EP300: variants seen among roughly 807,000 people sequenced by gnomAD.
The protein encoded by EP300 is EP300 lysine acetyltransferase, also known as histone acetyltransferase p300.
In EP300, 31 loss-of-function variants were observed where a neutral mutation model predicts 264.0. The ratio of observed to expected loss-of-function variants is 0.12; its 90% CI spans 0.09 to 0.16. EP300 has a LOEUF of 0.16. Among genes scored for constraint, EP300 ranks in the 10% least tolerant of loss-of-function variants. The pLI is 1.00. For missense variants in EP300, 2,766 were observed against 3,052.9 expected (o/e 0.91, Z 2.21); for synonymous variants, 1,340 against 1,045.4 (o/e 1.28, Z -5.44).
intron 1 of EP300, among the ~76,000 whole-genome samples, chr22:41,102,921 C>G (rs1205175909): frequency 6.6e-6 from 1 of 152,102 alleles, no homozygotes; most frequent in East Asian, 1.9e-4. Flanking sequence ...GTGATCTCAG[C>G]TCACTGCAAC....
Position 41,168,841 on chromosome 22 carries a change from C to G in EP300, c.4146C>G (p.Gly1382=), listed in dbSNP as rs2145763862. The change falls in exon 25 of 31, where the codon GGC becomes GGG. Residue 1382 remains glycine (G), a synonymous_variant. Transcript: ENST00000263253. ...CFFGMHVQEY[G]SDCPPPNQRR... is the part of the protein sequence containing the mutation. Reference sequence around the variant, plus strand: ...TTGGCATGCATGTTCAAGAGTATGGCTCTGACTGCCCTCCACCCAACCAGA... The same window carrying G: ...TTGGCATGCATGTTCAAGAGTATGGGTCTGACTGCCCTCCACCCAACCAGA... 1 of 1,614,198 alleles carries G rather than the reference C, an allele frequency of 6.2e-7. No homozygotes were observed. Among genetic ancestry groups the G allele is most frequent in the Non-Finnish European group, 8.5e-7 (1 of 1,180,042 alleles).
At chr22:41,129,070 G>A (rs932897599) in intron 4 of EP300, among the ~76,000 whole-genome samples, 3 of 152,014 alleles carry the variant, frequency 2.0e-5, no homozygotes, top group Non-Finnish European at 4.4e-5. Flanking sequence ...GAGTGCAGTG[G>A]TGTGATCTCA....
At chr22:41,139,575 C>T (rs1278469901) in intron 8 of EP300, among the ~76,000 whole-genome samples, 1 of 152,148 alleles carries the variant, frequency 6.6e-6, no homozygotes, top group African/African-American at 2.4e-5. Context: ...CTAAAGATCA[C>T]ATTTGTCAGT....
intron 11 of EP300, among the ~76,000 whole-genome samples, chr22:41,147,326 T>G (rs905181286): frequency 2.7e-5 from 4 of 149,986 alleles, no homozygotes; most frequent in Non-Finnish European, 4.4e-5. Context: ...AAAAGCAGAT[T>G]GTAAAATTTG....
chr22:41,168,695 GT>G lies in EP300; in HGVS notation c.4026-24del, dbSNP rs770227664. 3 of 1,614,182 alleles carry G rather than the reference GT, an allele frequency of 1.9e-6. No individual in the cohort carries two copies. In the South Asian group the frequency reaches 3.3e-5, roughly 18 times the overall value. On this transcript the variant is annotated intron_variant, in intron 24 of 30. Transcript: ENST00000263253. ...TCCAGTCTGAATGAGTTATGTTGTG[GT>G]TCCCCCACCATCTCAATTGTATAGG...
intron 28 of EP300, 55 bp downstream of exon 28, chr22:41,172,718 A>G (rs2145770735): frequency 2.6e-6 from 4 of 1,560,992 alleles, no homozygotes; most frequent in Non-Finnish European, 3.5e-6. Flanking sequence ...TATTTAATCC[A>G]GAAGTGCACT....
chr22:41,134,693 T>C (rs1032492195), intron 6 of EP300, among the ~76,000 whole-genome samples: 1 of 152,216 alleles, frequency 6.6e-6, no homozygotes, highest in Admixed American at 6.5e-5. Flanking sequence ...TGACAACCAG[T>C]ACTAACTAGT....
intron 1 of EP300, among the ~76,000 whole-genome samples, chr22:41,110,712 T>A (rs1373496924): frequency 1.3e-5 from 2 of 152,054 alleles, no homozygotes; most frequent in Non-Finnish European, 2.9e-5. Flanking sequence ...TGTCTTTTCC[T>A]TTTTATTTTT....
At position 41,172,418 on chromosome 22, in the gene EP300, C is replaced by T. The variant is rs1439806477; in HGVS notation, c.4453-81C>T. ...CAAGACATTTTAAGCTTTCATGTTT[C>T]TTGTCAGCCATGATTATTCTGTATA... On this transcript the variant is annotated intron_variant, in intron 27 of 30. Coordinates refer to ENST00000263253, the MANE Select transcript of EP300 (RefSeq NM_001429.4). 3.1e-6 allele frequency: 4 copies of T among 1,289,082 alleles called. No individual in the cohort carries two copies. The African/African-American group carries it at 4.4e-5, about 14-fold the overall frequency. 79.9% of individuals were successfully genotyped at this position (1,289,082 alleles called of 1,614,324 possible).
At chr22:41,112,794 G>T (rs2058800514) in intron 1 of EP300, among the ~76,000 whole-genome samples, 1 of 151,818 alleles carries the variant, frequency 6.6e-6, no homozygotes, top group Non-Finnish European at 1.5e-5. Flanking sequence ...AAACAATTCG[G>T]ATATGGTGCT....
At chr22:41,133,446 T>C (rs1354296704) in intron 6 of EP300, among the ~76,000 whole-genome samples, 3 of 151,960 alleles carry the variant, frequency 2.0e-5, no homozygotes, top group Non-Finnish European at 4.4e-5. Context: ...CCACTGTGCC[T>C]GACCCTCTAA....
At position 41,125,036 on chromosome 22, in the gene EP300, T is replaced by G. The variant is rs189782531; in HGVS notation, c.730-828T>G. ...TACTTGCAGCCTCAACCTCCCAGGC[T>G]CAGGTGATCCTCCTACCTCAGCCTC... On this transcript the variant is annotated intron_variant, in intron 2 of 30. Transcript: ENST00000263253. Among the ~76,000 whole-genome samples, 967 of 151,124 alleles carry G rather than the reference T, an allele frequency of 6.4e-3. 9 individuals carry two copies. The highest frequency in any genetic ancestry group is 0.026 in the South Asian group (123 of 4,748).
At chr22:41,173,176 C>T (rs1294851569) in intron 28 of EP300, among the ~76,000 whole-genome samples, 1 of 152,122 alleles carries the variant, frequency 6.6e-6, no homozygotes, top group African/African-American at 2.4e-5. Flanking sequence ...CAAAAGGCAC[C>T]CTTAAATAGT....
Position 41,160,691 on chromosome 22 carries a change from T to G in EP300, c.3640T>G (p.Ser1214Ala), listed in dbSNP as rs2145752484. The change falls in exon 20 of 31, where the codon TCT (serine) becomes GCT (alanine). Residue 1214 changes from serine to alanine, a missense_variant. Physicochemically the swap from Ser to Ala is moderately conservative, Grantham distance 99. Coordinates refer to ENST00000263253, the MANE Select transcript of EP300 (RefSeq NM_001429.4). The part of the protein sequence containing the change: ...CFNEIQGESV[S>A]LGDDPSQPQT... Reference sequence around the variant, plus strand: ...CAATGAGATCCAAGGGGAGAGCGTTTCTTTGGGGGATGACCCTTCCCAGCC... The same window carrying G: ...CAATGAGATCCAAGGGGAGAGCGTTGCTTTGGGGGATGACCCTTCCCAGCC... 6.2e-7 allele frequency: 1 copy of G among 1,614,134 alleles called. No homozygotes were observed. The highest frequency in any genetic ancestry group is 8.5e-7 in the Non-Finnish European group (1 of 1,180,004).
At chr22:41,160,768 C>T (rs764437372) in intron 20 of EP300, 46 bp downstream of exon 20, 13 of 1,534,332 alleles carry the variant, frequency 8.5e-6, no homozygotes, top group South Asian at 1.1e-5. Context: ...GTTTGTTGTC[C>T]AGTGATTATG....
chr22:41,145,874 A>T (rs1262151974), intron 10 of EP300, among the ~76,000 whole-genome samples: 1 of 151,840 alleles, frequency 6.6e-6, no homozygotes, highest in Admixed American at 6.6e-5. Context: ...TGACCTCGTG[A>T]TCCGCCCGCC....
intron 26 of EP300, 143 bp downstream of exon 26, chr22:41,169,759 A>T (rs749056483): frequency 7.7e-6 from 5 of 651,524 alleles, no homozygotes; most frequent in Non-Finnish European, 1.4e-5. Flanking sequence ...ACTTTGTTGG[A>T]GCCCCTTTGA....
chr22:41,169,016 G>C (rs2059155542), intron 25 of EP300, 149 bp downstream of exon 25: 1 of 1,157,858 alleles, frequency 8.6e-7, no homozygotes, highest in Admixed American at 1.9e-5. Context: ...AAGTGAAACA[G>C]ATTAAAAAGC....
chr22:41,169,246 A>C, intron 25 of EP300: 1 of 567,716 alleles, frequency 1.8e-6, no homozygotes, highest in Non-Finnish European at 3.1e-6. Flanking sequence ...AAAAACGTAT[A>C]GGGATCACCA....
Sources: gnomAD v4.1 joint callset for allele counts (sites outside exome capture counted in the v4.1 genomes callset) on GRCh38, gnomAD v4.1.1 for gene constraint, MANE v1.5 for transcripts, NCBI Gene and HGNC (gene_info 2026-07-23, HGNC 2026-07-21) for gene names.